Variants in SLC39A11 observed in about 807,000 individuals in gnomAD.
The protein encoded by SLC39A11 is solute carrier family 39 member 11.
A neutral mutation model predicts 36.1 loss-of-function variants in SLC39A11; 33 were observed. That is an observed-to-expected ratio of 0.91 (90% CI 0.69 to 1.22). The LOEUF (loss-of-function observed/expected upper bound fraction) is 1.22. SLC39A11 is among the 50% of genes most tolerant of loss of function. The pLI is 0.00. For missense variants in SLC39A11, 432 were observed against 430.3 expected, an observed-to-expected ratio of 1.00 and a Z score of -0.03; for synonymous variants, 166 against 170.3, an observed-to-expected ratio of 0.97 and a Z score of 0.20.
intron 7 of SLC39A11, among the ~76,000 whole-genome samples, chr17:72,678,324 T>G (rs1404861359): frequency 6.6e-6 from 1 of 152,130 alleles, no homozygotes; most frequent in African/African-American, 2.4e-5. Context: ...GAAAATACCT[T>G]CCCTGTGAAC....
chr17:72,651,591 G>C (rs944541714), intron 7 of SLC39A11, among the ~76,000 whole-genome samples: 1 of 152,196 alleles, frequency 6.6e-6, no homozygotes, highest in African/African-American at 2.4e-5. Flanking sequence ...TCCCCCTAGG[G>C]TGGGGTTGGG....
intron 6 of SLC39A11, among the ~76,000 whole-genome samples, chr17:72,774,365 C>T (rs1320428060): frequency 6.6e-6 from 1 of 152,184 alleles, no homozygotes; most frequent in Non-Finnish European, 1.5e-5. Context: ...GGCAGCTCAC[C>T]TTGCCTCCCT....
At chr17:72,901,612 T>C (rs975845543) in intron 5 of SLC39A11, among the ~76,000 whole-genome samples, 1 of 152,144 alleles carries the variant, frequency 6.6e-6, no homozygotes, top group Admixed American at 6.5e-5. Context: ...CTACAAGTTC[T>C]AGGAGGGCAG....
intron 3 of SLC39A11, among the ~76,000 whole-genome samples, chr17:73,053,904 C>T (rs1051144312): frequency 1.1e-4 from 16 of 152,170 alleles, no homozygotes; most frequent in African/African-American, 2.9e-4. Context: ...TTAGTTTCTT[C>T]CTTCATTGGG....
At chr17:72,744,324 T>C (rs1362894441) in intron 6 of SLC39A11, among the ~76,000 whole-genome samples, 1 of 152,082 alleles carries the variant, frequency 6.6e-6, no homozygotes, top group Non-Finnish European at 1.5e-5. Context: ...TGGCCTCTAC[T>C]CACTAGATGC....
intron 5 of SLC39A11, among the ~76,000 whole-genome samples, chr17:72,931,299 G>A (rs1259742973): frequency 1.3e-5 from 2 of 152,186 alleles, no homozygotes; most frequent in African/African-American, 4.8e-5. Context: ...GAGAAGTACT[G>A]GTGGACTGCA....
chr17:72,967,079 C>T (rs192325608), intron 4 of SLC39A11, among the ~76,000 whole-genome samples: 2 of 152,250 alleles, frequency 1.3e-5, no homozygotes, highest in Non-Finnish European at 2.9e-5. Context: ...GGGACCACCT[C>T]GTTGCAGGAA....
chr17:72,970,816 G>C (rs944598740), intron 4 of SLC39A11, among the ~76,000 whole-genome samples: 1 of 152,234 alleles, frequency 6.6e-6, no homozygotes, highest in East Asian at 1.9e-4. Flanking sequence ...CAAAAGAAAA[G>C]TGGAGAAACA....
chr17:72,764,812 C>A (rs2075708596), intron 6 of SLC39A11, among the ~76,000 whole-genome samples: 1 of 152,176 alleles, frequency 6.6e-6, no homozygotes, highest in African/African-American at 2.4e-5. Context: ...GTGGGGAGTT[C>A]AGGCACGTTT....
At chr17:72,684,163 C>T (rs1224527181) in intron 7 of SLC39A11, among the ~76,000 whole-genome samples, 4 of 152,136 alleles carry the variant, frequency 2.6e-5, no homozygotes, top group Non-Finnish European at 5.9e-5. Context: ...TCCGTAGGCT[C>T]CCTGGACAGC....
intron 7 of SLC39A11, among the ~76,000 whole-genome samples, chr17:72,677,474 G>C (rs2071320770): frequency 6.6e-6 from 1 of 152,190 alleles, no homozygotes; most frequent in Non-Finnish European, 1.5e-5. Context: ...AAAGAGAAGA[G>C]GGTGGGAGAA....
chr17:72,761,233 G>C (rs2075566117), intron 6 of SLC39A11, among the ~76,000 whole-genome samples: 1 of 152,086 alleles, frequency 6.6e-6, no homozygotes, highest in South Asian at 2.1e-4. Flanking sequence ...TCCTGCTTCA[G>C]CCTCTTGAGT....
At chr17:72,784,151 C>T (rs2076418457) in intron 6 of SLC39A11, among the ~76,000 whole-genome samples, 2 of 152,154 alleles carry the variant, frequency 1.3e-5, no homozygotes, top group African/African-American at 2.4e-5. Context: ...TCGAGACCAG[C>T]CTGGCCAACA....
At chr17:72,704,613 C>T (rs1160946201) in intron 7 of SLC39A11, among the ~76,000 whole-genome samples, 6 of 152,162 alleles carry the variant, frequency 3.9e-5, no homozygotes, top group Non-Finnish European at 7.3e-5. Flanking sequence ...AAAGCCAAAG[C>T]GCCATCTGTG....
At chr17:72,676,801 C>A (rs1361616864) in intron 7 of SLC39A11, among the ~76,000 whole-genome samples, 1 of 152,164 alleles carries the variant, frequency 6.6e-6, no homozygotes, top group Non-Finnish European at 1.5e-5. Context: ...GCCTATGTGA[C>A]CAGTACCCTC....
At chr17:72,847,052 G>A (rs1368948414) in intron 6 of SLC39A11, among the ~76,000 whole-genome samples, 1 of 152,130 alleles carries the variant, frequency 6.6e-6, no homozygotes, top group African/African-American at 2.4e-5. Flanking sequence ...TCTTTGTGCA[G>A]TGAGGTCCAT....
At chr17:72,679,092 G>A (rs533549448) in intron 7 of SLC39A11, among the ~76,000 whole-genome samples, 1 of 152,168 alleles carries the variant, frequency 6.6e-6, no homozygotes, top group African/African-American at 2.4e-5. Context: ...TGGTAGAGTA[G>A]AATGGTGGCT....
At chr17:72,751,958 C>T (rs887533829) in intron 6 of SLC39A11, among the ~76,000 whole-genome samples, 1 of 152,126 alleles carries the variant, frequency 6.6e-6, no homozygotes, top group Non-Finnish European at 1.5e-5. Flanking sequence ...CCTCCCACAG[C>T]CCCTGGCAAC....
rs112024735 is a variant in SLC39A11, at chr17:72,748,247, G to A, written c.602-11528C>T. 1.3e-3 allele frequency among the ~76,000 whole-genome samples: 202 copies of A among 151,896 alleles called. 2 individuals are homozygous for A. The highest frequency in any genetic ancestry group is 6.8e-3 in the Middle Eastern group (2 of 294). ...TTAGGCTGGAGAATCGCTTGAACAC[G>A]GGAGGTGGAGGTTGCAGTGAGCCGA... On this transcript the variant is annotated intron_variant, in intron 6 of 9. Coordinates refer to ENST00000255559, the MANE Select transcript of SLC39A11 (RefSeq NM_139177.4).
Sources: allele counts gnomAD v4.1 joint callset (sites outside exome capture counted in the v4.1 genomes callset), GRCh38; gene constraint gnomAD v4.1.1; transcripts MANE v1.5; gene names NCBI Gene and HGNC (gene_info 2026-07-23, HGNC 2026-07-21).